The following PTPRN2 variants were observed in gnomAD, a reference collection of about 807,000 sequenced individuals.
PTPRN2 encodes protein tyrosine phosphatase receptor type N2.
PTPRN2 carries 74 observed loss-of-function variants against 118.8 expected under a neutral mutation model. The ratio of observed to expected loss-of-function variants is 0.62; its 90% CI spans 0.52 to 0.76. PTPRN2 has a LOEUF of 0.76. Ranked by LOEUF, PTPRN2 falls within the 30% of genes least tolerant of loss-of-function variation. PTPRN2 has a pLI of 0.00. For synonymous variants in PTPRN2, 641 were observed against 608.0 expected (o/e 1.05, Z -0.80); for missense variants, 1,481 against 1,394.4 (o/e 1.06, Z -0.99).
chr7:158,494,733 G>A (rs1340355937), intron 1 of PTPRN2, among the ~76,000 whole-genome samples: 1 of 152,160 alleles, frequency 6.6e-6, no homozygotes, highest in Non-Finnish European at 1.5e-5. Context: ...CCAGGACCCC[G>A]TGGCTGTGCA....
At chr7:158,323,210 C>T (rs951502658) in intron 2 of PTPRN2, among the ~76,000 whole-genome samples, 1 of 152,216 alleles carries the variant, frequency 6.6e-6, no homozygotes, top group South Asian at 2.1e-4. Flanking sequence ...CCTGGAACTC[C>T]GATATCAGGG....
intron 6 of PTPRN2, among the ~76,000 whole-genome samples, chr7:158,141,673 A>C (rs1210613709): frequency 6.6e-6 from 1 of 152,072 alleles, no homozygotes. Flanking sequence ...GCTGCACCCC[A>C]TCCCCCACCA....
intron 8 of PTPRN2, among the ~76,000 whole-genome samples, chr7:158,135,619 GC>G (rs1230527396): frequency 6.6e-6 from 1 of 152,132 alleles, no homozygotes; most frequent in African/African-American, 2.4e-5. Context: ...GCTAACGGCA[GC>G]CCCCCAGAGC....
intron 21 of PTPRN2, among the ~76,000 whole-genome samples, chr7:157,561,669 C>T (rs985855221): frequency 1.3e-5 from 2 of 152,260 alleles, no homozygotes; most frequent in Admixed American, 6.5e-5. Context: ...CCTTGGGCCC[C>T]CTTCCATTCA....
In PTPRN2 at chr7:158,525,584, G is replaced by T. The variant is rs1344969419; in HGVS notation, c.113-35799C>A. 6.6e-6 allele frequency among the ~76,000 whole-genome samples: 1 copy of T among 152,206 alleles called. No homozygotes were observed. Among genetic ancestry groups the T allele is most frequent in the South Asian group, 2.1e-4 (1 of 4,832 alleles). On this transcript the variant is annotated intron_variant, in intron 1 of 22. Coordinates refer to ENST00000389418, the MANE Select transcript of PTPRN2 (RefSeq NM_002847.5). This position sits in a 1 kb window ranked among gnomAD's most constrained non-coding sequence, Gnocchi z 4.1. Reference sequence around the variant, plus strand: ...GTATCTCCTCCCTTCCTCCTGAGAGGTCCTACGGGATGGAGTATTAATAGT... The same window carrying T: ...GTATCTCCTCCCTTCCTCCTGAGAGTTCCTACGGGATGGAGTATTAATAGT...
intron 14 of PTPRN2, among the ~76,000 whole-genome samples, chr7:157,639,036 T>C (rs1182998845): frequency 6.6e-6 from 1 of 151,854 alleles, no homozygotes; most frequent in Non-Finnish European, 1.5e-5. Flanking sequence ...TCTTTCCTTC[T>C]TTCTTTCTTT....
chr7:158,101,916 C>T (rs1241219083), intron 10 of PTPRN2, among the ~76,000 whole-genome samples: 1 of 152,178 alleles, frequency 6.6e-6, no homozygotes, highest in Admixed American at 6.5e-5. Flanking sequence ...AAGCAGTGAG[C>T]AGCGGCAGGC....
chr7:157,587,558 T>G lies in PTPRN2; in HGVS notation c.2496+7680A>C, dbSNP rs536085129. On this transcript the variant is annotated intron_variant, in intron 17 of 22. Coordinates refer to ENST00000389418, the MANE Select transcript of PTPRN2 (RefSeq NM_002847.5). The surrounding 1 kb of genome is among the most constrained non-coding windows in gnomAD (Gnocchi z 5.3). Reference sequence around the variant, plus strand: ...GAAAACATATCCCCCCAGCTGAGGCTTCATCACAGAATACTTTTAGAAAGC... The same window carrying G: ...GAAAACATATCCCCCCAGCTGAGGCGTCATCACAGAATACTTTTAGAAAGC... Among the ~76,000 whole-genome samples, 1 of 152,334 alleles carries G rather than the reference T, an allele frequency of 6.6e-6. No individual in the cohort carries two copies. The highest frequency in any genetic ancestry group is 1.5e-5 in the Non-Finnish European group (1 of 68,020).
intron 3 of PTPRN2, among the ~76,000 whole-genome samples, chr7:158,270,668 G>A (rs1798256326): frequency 6.6e-6 from 1 of 151,768 alleles, no homozygotes; most frequent in Non-Finnish European, 1.5e-5. Context: ...TTACCTGGCT[G>A]TCCCTCTCCC....
At chr7:158,167,541 A>G (rs1260418287) in intron 5 of PTPRN2, among the ~76,000 whole-genome samples, 1 of 152,208 alleles carries the variant, frequency 6.6e-6, no homozygotes. Context: ...ATTATTTTTA[A>G]TATCAGCTTT....
At chr7:158,091,177 T>G (rs1380222056) in intron 10 of PTPRN2, among the ~76,000 whole-genome samples, 2 of 152,222 alleles carry the variant, frequency 1.3e-5, no homozygotes, top group Non-Finnish European at 2.9e-5. Context: ...CTACAATAAA[T>G]GTAACACATT....
At chr7:158,095,571 T>C (rs1382739717) in intron 10 of PTPRN2, among the ~76,000 whole-genome samples, 1 of 151,752 alleles carries the variant, frequency 6.6e-6, no homozygotes, top group East Asian at 1.9e-4. Flanking sequence ...AAAAACAGAG[T>C]CAAACCCATG....
At chr7:157,866,265 G>A (rs1810659192) in intron 12 of PTPRN2, among the ~76,000 whole-genome samples, 1 of 152,128 alleles carries the variant, frequency 6.6e-6, no homozygotes, top group Non-Finnish European at 1.5e-5. Context: ...AAGAGTCAGT[G>A]AGCAGGAAAC....
intron 11 of PTPRN2, among the ~76,000 whole-genome samples, chr7:158,041,730 A>G (rs1383711264): frequency 6.6e-6 from 1 of 152,246 alleles, no homozygotes; most frequent in Non-Finnish European, 1.5e-5. Flanking sequence ...GTCTCTTGAA[A>G]AATCTATGGC....
At chr7:157,898,854 A>G (rs1797282259) in intron 11 of PTPRN2, 117 bp from the exon 12 acceptor site, 2 of 879,734 alleles carry the variant, frequency 2.3e-6, no homozygotes, top group Non-Finnish European at 3.8e-6. Flanking sequence ...TGACCCGCCT[A>G]CCTTAATGGA....
intron 3 of PTPRN2, among the ~76,000 whole-genome samples, chr7:158,298,933 C>G (rs1029020318): frequency 6.6e-6 from 1 of 152,196 alleles, no homozygotes; most frequent in Non-Finnish European, 1.5e-5. Flanking sequence ...AACACGATGC[C>G]TCTGTGGCCC....
chr7:158,145,652 C>G (rs1364895623), intron 6 of PTPRN2, among the ~76,000 whole-genome samples: 1 of 152,240 alleles, frequency 6.6e-6, no homozygotes, highest in Non-Finnish European at 1.5e-5. Flanking sequence ...ACTGAACCAA[C>G]AGGGGCTCCC....
intron 11 of PTPRN2, among the ~76,000 whole-genome samples, chr7:158,066,583 T>C (rs1385419156): frequency 6.6e-6 from 1 of 152,166 alleles, no homozygotes; most frequent in Non-Finnish European, 1.5e-5. Context: ...AACCAGGCAC[T>C]GTAGAGAGAC....
chr7:157,683,885 G>T (rs919464491), intron 12 of PTPRN2, among the ~76,000 whole-genome samples: 1 of 152,124 alleles, frequency 6.6e-6, no homozygotes, highest in African/African-American at 2.4e-5. Flanking sequence ...AGCACGCCCG[G>T]CCTTGGTCCT....
Sources: gnomAD v4.1 joint callset for allele counts (sites outside exome capture counted in the v4.1 genomes callset) on GRCh38, gnomAD v4.1.1 for gene constraint, Gnocchi (gnomAD v3.1) non-coding constraint, MANE v1.5 for transcripts, NCBI Gene and HGNC (gene_info 2026-07-23, HGNC 2026-07-21) for gene names.